CRISP1: variants seen among roughly 807,000 people sequenced by gnomAD.
CRISP1 encodes the protein cysteine rich secretory protein 1, also known as cysteine-rich secretory protein 1.
In CRISP1, 44 loss-of-function variants were observed where a neutral mutation model predicts 33.1. The observed-to-expected ratio is 1.33, with a 90% confidence interval of 1.05 to 1.71. CRISP1 has a LOEUF of 1.71. CRISP1 is among the 40% of genes most tolerant of loss of function. The probability of loss-of-function intolerance (pLI) is 0.00; values close to 1 mark genes in which losing one functional copy is unlikely to be tolerated. For synonymous variants in CRISP1, 103 were observed against 98.7 expected, an observed-to-expected ratio of 1.04 and a Z score of -0.26; for missense variants, 390 against 301.2, an observed-to-expected ratio of 1.29 and a Z score of -2.18.
chr6:49,845,707 C>CAAAAAAAAAAAAAAAA (rs111269611), intron 5 of CRISP1, among the ~76,000 whole-genome samples: 2 of 145,394 alleles, frequency 1.4e-5, no homozygotes, highest in Non-Finnish European at 1.5e-5. Flanking sequence ...TCACAATAGC[C>CAAAAAAAAAAAAAAAA]AAAAAAAAAA....
intron 7 of CRISP1, among the ~76,000 whole-genome samples, chr6:49,835,817 G>T (rs899378518): frequency 2.6e-5 from 4 of 152,066 alleles, no homozygotes; most frequent in Non-Finnish European, 5.9e-5. Context: ...AATGGTTAAA[G>T]ATTTGCTTTG....
At chr6:49,865,701 G>A (rs1180834435) in intron 1 of CRISP1, among the ~76,000 whole-genome samples, 1 of 152,074 alleles carries the variant, frequency 6.6e-6, no homozygotes, top group Non-Finnish European at 1.5e-5. Flanking sequence ...GGGAGTGAGG[G>A]AGCAGGAAGG....
intron 1 of CRISP1, among the ~76,000 whole-genome samples, chr6:49,863,820 A>G (rs1392143077): frequency 6.6e-6 from 1 of 152,232 alleles, no homozygotes; most frequent in African/African-American, 2.4e-5. Flanking sequence ...AATTAACTCT[A>G]CAAAGAATTA....
intron 1 of CRISP1, among the ~76,000 whole-genome samples, chr6:49,858,836 G>C (rs1215978456): frequency 6.6e-6 from 1 of 152,016 alleles, no homozygotes; most frequent in Non-Finnish European, 1.5e-5. Flanking sequence ...AAAGATAGCT[G>C]ACTAGGCATC....
At chr6:49,874,931 T>C (rs1355615740) in intron 1 of CRISP1, among the ~76,000 whole-genome samples, 2 of 152,024 alleles carry the variant, frequency 1.3e-5, no homozygotes, top group African/African-American at 4.8e-5. Flanking sequence ...GAGCCATATA[T>C]GACGAACCCA....
intron 5 of CRISP1, among the ~76,000 whole-genome samples, chr6:49,842,295 T>C (rs889681937): frequency 2.0e-5 from 3 of 152,216 alleles, no homozygotes; most frequent in Non-Finnish European, 4.4e-5. Context: ...CAGAATCTAA[T>C]GGAGCACATA....
At chr6:49,850,591 T>C (rs1380465018) in intron 3 of CRISP1, among the ~76,000 whole-genome samples, 3 of 152,126 alleles carry the variant, frequency 2.0e-5, no homozygotes, top group Admixed American at 2.0e-4. Flanking sequence ...ATCCTATACA[T>C]GTCCTATGCA....
chr6:49,856,869 G>A (rs1393666521), intron 2 of CRISP1, among the ~76,000 whole-genome samples: 1 of 152,108 alleles, frequency 6.6e-6, no homozygotes, highest in Non-Finnish European at 1.5e-5. Context: ...TTATTAGTGA[G>A]ATTAAGGTAG....
At chr6:49,867,032 G>A (rs528138528), upstream of CRISP1, among the ~76,000 whole-genome samples, 100 of 152,218 alleles carry the variant, frequency 6.6e-4, no homozygotes, top group African/African-American at 2.4e-3. Context: ...GACCTTCCTG[G>A]TTAAAAGGAA....
At position 49,854,976 on chromosome 6, in the gene CRISP1, T is replaced by TA. The variant is rs574893272; in HGVS notation, c.66+2358dup. On this transcript the variant is annotated intron_variant, in intron 2 of 7. Coordinates refer to ENST00000335847, the MANE Select transcript of CRISP1 (RefSeq NM_001131.3). ...AACCCTACATTAGAAATACTCCTAT[T>TA]AAAATCCCTGACAAGCTCAATTTGC... Among the ~76,000 whole-genome samples, 333 of 152,274 alleles carry TA rather than the reference T, an allele frequency of 2.2e-3. 1 individual carries two copies. The highest frequency in any genetic ancestry group is 4.6e-3 in the African/African-American group (192 of 41,564).
chr6:49,867,758 G>A (rs974923383), upstream of CRISP1, among the ~76,000 whole-genome samples: 19 of 152,088 alleles, frequency 1.2e-4, 1 homozygote, highest in South Asian at 6.2e-4. Flanking sequence ...ACATAGAAAA[G>A]CTTATCTGTA....
At chr6:49,874,835 G>A (rs957568647) in intron 1 of CRISP1, among the ~76,000 whole-genome samples, 1 of 151,818 alleles carries the variant, frequency 6.6e-6, no homozygotes, top group Non-Finnish European at 1.5e-5. Flanking sequence ...ATGCAGAAAA[G>A]GCCTTTGTTA....
At chr6:49,861,613 G>C (rs561678836) in intron 1 of CRISP1, among the ~76,000 whole-genome samples, 1 of 152,140 alleles carries the variant, frequency 6.6e-6, no homozygotes, top group Non-Finnish European at 1.5e-5. Context: ...GCCAGGCACG[G>C]TAACTCACGC....
intron 1 of CRISP1, among the ~76,000 whole-genome samples, chr6:49,872,109 A>C (rs530719528): frequency 2.5e-4 from 38 of 152,212 alleles, no homozygotes; most frequent in African/African-American, 8.9e-4. Flanking sequence ...GTGTGAGATG[A>C]TATCTCATTG....
upstream of CRISP1, among the ~76,000 whole-genome samples, chr6:49,868,859 C>T (rs1366380481): frequency 6.6e-6 from 1 of 152,162 alleles, no homozygotes. Context: ...TAGACTTTAA[C>T]AAATTCAAAC....
intron 1 of CRISP1, among the ~76,000 whole-genome samples, chr6:49,873,721 C>T (rs962605448): frequency 3.9e-5 from 6 of 151,964 alleles, no homozygotes; most frequent in African/African-American, 1.4e-4. Context: ...GGTAAAATTT[C>T]TACCTTTAGT....
intron 6 of CRISP1, among the ~76,000 whole-genome samples, chr6:49,840,227 C>T (rs1434862757): frequency 6.6e-6 from 1 of 152,176 alleles, no homozygotes; most frequent in Non-Finnish European, 1.5e-5. Context: ...TTGGGCCCTG[C>T]AGTCATCCTT....
chr6:49,870,994 A>C (rs1297556120), upstream of CRISP1, among the ~76,000 whole-genome samples: 1 of 151,980 alleles, frequency 6.6e-6, no homozygotes, highest in Non-Finnish European at 1.5e-5. Context: ...CCAGCTACTC[A>C]GGAGGCTGAG....
intron 5 of CRISP1, among the ~76,000 whole-genome samples, chr6:49,842,376 G>T (rs1771020801): frequency 6.6e-6 from 1 of 151,860 alleles, no homozygotes; most frequent in Admixed American, 6.6e-5. Context: ...TATATTAATT[G>T]GTAATAAGAT....
Sources: gnomAD v4.1 joint callset for allele counts (sites outside exome capture counted in the v4.1 genomes callset) on GRCh38, gnomAD v4.1.1 for gene constraint, MANE v1.5 for transcripts, NCBI Gene and HGNC (gene_info 2026-07-23, HGNC 2026-07-21) for gene names.